Variants in COL4A4 observed in about 807,000 individuals in gnomAD.
The protein encoded by COL4A4 is collagen type IV alpha 4 chain.
A neutral mutation model predicts 192.9 loss-of-function variants in COL4A4; 105 were observed. The ratio of observed to expected loss-of-function variants is 0.54; its 90% CI spans 0.46 to 0.64. The LOEUF is 0.64. Ranked by LOEUF, COL4A4 falls within the 30% of genes least tolerant of loss-of-function variation. COL4A4 has a pLI of 0.00. For missense variants in COL4A4, 1,967 were observed against 2,169.3 expected (o/e 0.91, Z 1.85); for synonymous variants, 762 against 769.9 (o/e 0.99, Z 0.17).
At chr2:227,094,315 T>C in intron 19 of COL4A4, 26 bp from the exon 20 acceptor site, 1 of 1,607,626 alleles carries the variant, frequency 6.2e-7, no homozygotes, top group Non-Finnish European at 8.5e-7. Context: ...AGAATGAAAA[T>C]TACATATACT....
chr2:227,099,635 G>T lies in COL4A4; in HGVS notation c.1084C>A (p.Pro362Thr), dbSNP rs1418303214. 1 of 1,614,046 alleles carries T rather than the reference G, an allele frequency of 6.2e-7. No individual in the cohort carries two copies. The highest frequency in any genetic ancestry group is 8.5e-7 in the Non-Finnish European group (1 of 1,179,958). Residue 362 changes from proline to threonine, a missense_variant, in exon 18 of 48, where the codon CCT becomes ACT. Pro to Thr is a conservative substitution (Grantham distance 38, BLOSUM62 -1). Coordinates refer to ENST00000396625, the MANE Select transcript of COL4A4 (RefSeq NM_000092.5). ...PGPPGVLVTP[P>T]LPLKGPPGDP... is the part of the protein sequence containing the mutation. Reference sequence around the variant, plus strand: ...GAACACAAACCTTTGAGTGGAAGAGGTGGAGTCACCAAAACACCTGGTGGT... The same window carrying T: ...GAACACAAACCTTTGAGTGGAAGAGTTGGAGTCACCAAAACACCTGGTGGT...
intron 20 of COL4A4, among the ~76,000 whole-genome samples, chr2:227,093,046 CT>C (rs2060023170): frequency 6.6e-6 from 1 of 152,118 alleles, no homozygotes; most frequent in African/African-American, 2.4e-5. Context: ...CATACCATGC[CT>C]TGTAGAACAG....
At chr2:226,995,126 G>A in the COL4A4 span, among the ~76,000 whole-genome samples, 1,035 of 152,154 alleles carry the variant, frequency 6.8e-3, 7 homozygotes, top group Admixed American at 0.017. Flanking sequence ...AAGCCCTTGA[G>A]ATACTGTGTA....
Position 227,099,596 on chromosome 2 carries a change from G to A in COL4A4, c.1099+24C>T, listed in dbSNP as rs374314913. On this transcript the variant is annotated intron_variant, in intron 18 of 47. Transcript: ENST00000396625. ...AACTCCTATTTCTGCATAATTTATG[G>A]AGGAACTGAATAGGAACACAAACCT... The A allele has an allele frequency of 1.6e-4, 258 of 1,609,730 alleles. 1 individual carries two copies. The highest frequency in any genetic ancestry group is 5.2e-4 in the Admixed American group (31 of 59,992).
chr2:226,989,858 G>A, the COL4A4 span, among the ~76,000 whole-genome samples: 2 of 152,128 alleles, frequency 1.3e-5, no homozygotes, highest in Non-Finnish European at 2.9e-5. Context: ...ACAATGCAGG[G>A]TGCTGACCAC....
the COL4A4 span, among the ~76,000 whole-genome samples, chr2:226,969,824 G>A: frequency 3.1e-4 from 47 of 152,258 alleles, no homozygotes; most frequent in African/African-American, 6.7e-4. Flanking sequence ...TCTTCATAAT[G>A]CTAAATTTTT....
intron 8 of COL4A4, among the ~76,000 whole-genome samples, chr2:227,112,814 T>C (rs1349203532): frequency 1.3e-5 from 2 of 152,252 alleles, no homozygotes; most frequent in Non-Finnish European, 2.9e-5. Flanking sequence ...TGAAATCATA[T>C]GATATTTGAC....
intron 2 of COL4A4, among the ~76,000 whole-genome samples, chr2:227,145,160 C>A (rs185479184): frequency 1.3e-5 from 2 of 152,248 alleles, no homozygotes; most frequent in Admixed American, 6.5e-5. Context: ...TAAAAGACCA[C>A]TAAAAGGCCA....
chr2:227,046,223 G>A (rs1039325736), intron 35 of COL4A4, among the ~76,000 whole-genome samples: 59 of 151,312 alleles, frequency 3.9e-4, no homozygotes, highest in African/African-American at 1.4e-3. Flanking sequence ...CAATCTTACA[G>A]TATAAAAACA....
At chr2:227,030,373 A>C in intron 41 of COL4A4, 70 bp downstream of exon 41, 7 of 1,505,218 alleles carry the variant, frequency 4.7e-6, no homozygotes, top group South Asian at 1.1e-5. Context: ...ATGGCGGCAC[A>C]GTACCCCAGA....
In COL4A4 at chr2:227,121,113, A is replaced by C. The variant is rs1393470640; in HGVS notation, c.228T>G (p.Ile76Met). 11 of 1,614,010 alleles carry C rather than the reference A, an allele frequency of 6.8e-6. No homozygotes were observed. The highest frequency in any genetic ancestry group is 3.3e-4 in the Middle Eastern group (2 of 6,084). The change falls in exon 5 of 48, where the codon ATT (isoleucine) becomes ATG (methionine). Residue 76 changes from isoleucine to methionine, a missense_variant. Physicochemically the swap from Ile to Met is conservative, Grantham distance 10. Transcript: ENST00000396625. ...TGGGTCCTGGGGCTCCCAGGGGTCC[A>C]ATTGGACCCTGTGGCCCTGGTGGTC... ...PPGPPGPQGP[I>M]GPLGAPGPIG...
chr2:227,016,192 A>G (rs1194998333), intron 44 of COL4A4, among the ~76,000 whole-genome samples: 1 of 152,032 alleles, frequency 6.6e-6, no homozygotes, highest in Non-Finnish European at 1.5e-5. Flanking sequence ...TTAACATCCT[A>G]GAATCCACCA....
intron 1 of COL4A4, among the ~76,000 whole-genome samples, chr2:227,162,240 A>G (rs76788977): frequency 0.05 from 7,613 of 152,274 alleles, 235 homozygotes; most frequent in Admixed American, 0.087. Context: ...GCAGTTGACT[A>G]TTACTTCCTG....
chr2:227,005,152 C>G lies in COL4A4; in HGVS notation c.*2173G>C, dbSNP rs960758889. The G allele has an allele frequency of 6.6e-6, 1 of 151,590 alleles. No individual in the cohort carries two copies. Among genetic ancestry groups the G allele is most frequent in the African/African-American group, 2.4e-5 (1 of 41,256 alleles). 9.4% of individuals were successfully genotyped at this position (151,590 alleles called of 1,614,324 possible). On this transcript the variant is annotated 3_prime_UTR_variant, in exon 48 of 48. Coordinates refer to ENST00000396625, the MANE Select transcript of COL4A4 (RefSeq NM_000092.5). The stretch of plus-strand genomic sequence containing the variant: ...CATTTTGAACAGTCTGATACCTTCC[C>G]AAGCTCACTGTGGAGTAAACTGTCT...
the COL4A4 span, among the ~76,000 whole-genome samples, chr2:226,972,831 G>A: frequency 6.6e-6 from 1 of 151,350 alleles, no homozygotes; most frequent in Non-Finnish European, 1.5e-5. Flanking sequence ...TCAGTTTTTG[G>A]TTGGGTTATA....
intron 2 of COL4A4, among the ~76,000 whole-genome samples, chr2:227,146,887 T>C (rs1009225639): frequency 6.6e-6 from 1 of 152,184 alleles, no homozygotes; most frequent in Non-Finnish European, 1.5e-5. Context: ...TGTCATTATA[T>C]TGGGCCCATC....
Position 227,057,540 on chromosome 2 carries a change from G to C in COL4A4, c.2444C>G (p.Ala815Gly), listed in dbSNP as rs1466061793. The C allele has an allele frequency of 6.2e-7, 1 of 1,614,004 alleles. No individual in the cohort carries two copies. Among genetic ancestry groups the C allele is most frequent in the Middle Eastern group, 1.6e-4 (1 of 6,062 alleles). Residue 815 changes from alanine (A) to glycine (G), a missense_variant, in exon 29 of 48, where the codon GCT (alanine) becomes GGT (glycine). Physicochemically the swap from Ala to Gly is moderately conservative, Grantham distance 60. Transcript: ENST00000396625. Reference protein sequence around the residue: ...LKGPKGREGHAGFPGVPGPPG... With the variant: ...LKGPKGREGHGGFPGVPGPPG... ...TGGACCTGGGACACCTGGAAACCCA[G>C]CATGTCCCTCTCTGCCTTTGGGACC...
At chr2:227,063,954 T>A in intron 25 of COL4A4, among the ~76,000 whole-genome samples, 1 of 152,128 alleles carries the variant, frequency 6.6e-6, no homozygotes, top group East Asian at 1.9e-4. Context: ...CTTAAGGATT[T>A]ACTTTAAATA....
chr2:227,015,629 C>A (rs1485736887), intron 44 of COL4A4, among the ~76,000 whole-genome samples: 6 of 152,170 alleles, frequency 3.9e-5, no homozygotes, highest in Non-Finnish European at 7.3e-5. Context: ...TTTCTGCTAG[C>A]CTGTGGCTCC....
Sources: gnomAD v4.1 joint callset for allele counts (sites outside exome capture counted in the v4.1 genomes callset) on GRCh38, gnomAD v4.1.1 for gene constraint, MANE v1.5 for transcripts, NCBI Gene and HGNC (gene_info 2026-07-23, HGNC 2026-07-21) for gene names.